LAMB4: variants seen among roughly 807,000 people sequenced by gnomAD.
LAMB4 encodes the protein laminin subunit beta-4.
A neutral mutation model predicts 199.2 loss-of-function variants in LAMB4; 196 were observed. The ratio of observed to expected loss-of-function variants is 0.98; its 90% confidence interval spans 0.88 to 1.11. The LOEUF (loss-of-function observed/expected upper bound fraction) is 1.11. Ranked by LOEUF, LAMB4 falls within the 50% of genes least tolerant of loss-of-function variation. LAMB4 has a pLI of 0.00. For synonymous variants in LAMB4, 744 were observed against 770.6 expected, an observed-to-expected ratio of 0.97 and a Z score of 0.57; for missense variants, 2,080 against 2,171.2, an observed-to-expected ratio of 0.96 and a Z score of 0.83.
In LAMB4 at chr7:108,122,830, TA is replaced by T. The variant is rs561108312; in HGVS notation, c.34+300del. Among the ~76,000 whole-genome samples the T allele has an allele frequency of 6.4e-3, 973 of 152,320 alleles. 4 individuals are homozygous for T. The highest frequency in any genetic ancestry group is 0.014 in the Middle Eastern group (4 of 294). On this transcript the variant is annotated intron_variant, in intron 2 of 33. Transcript: ENST00000388781. Reference sequence around the variant, plus strand: ...AGTGTTACATTGAAAGCACAGCTATTAAAAAAATTAGATGCATTGTATTTGT... The same window carrying T: ...AGTGTTACATTGAAAGCACAGCTATTAAAAAATTAGATGCATTGTATTTGT...
At chr7:108,012,725 T>C in the LAMB4 span, among the ~76,000 whole-genome samples, 2 of 152,210 alleles carry the variant, frequency 1.3e-5, no homozygotes, top group South Asian at 4.1e-4. Context: ...GCATATAGGC[T>C]CTTAGTCAGC....
chr7:108,100,181 C>A (rs1010484761), intron 10 of LAMB4, among the ~76,000 whole-genome samples: 1 of 152,054 alleles, frequency 6.6e-6, no homozygotes, highest in South Asian at 2.1e-4. Flanking sequence ...ATGTCATGAC[C>A]TTTAGAAGTC....
chr7:108,034,376 G>C (rs937192002), intron 30 of LAMB4, 30 bp from the exon 31 acceptor site: 1 of 1,517,104 alleles, frequency 6.6e-7, no homozygotes, highest in African/African-American at 1.4e-5. Flanking sequence ...TATCAGATTA[G>C]ATAAATACAC....
intron 14 of LAMB4, among the ~76,000 whole-genome samples, chr7:108,081,468 A>G (rs763770604): frequency 2.0e-5 from 3 of 152,134 alleles, no homozygotes; most frequent in African/African-American, 4.8e-5. Context: ...CCTTTTCTCT[A>G]TCTTTTCTCC....
In LAMB4 at chr7:108,109,233, C is replaced by A. The variant is rs148590177; in HGVS notation, c.340G>T (p.Val114Phe). The change falls in exon 5 of 34, where the codon GTC (valine) becomes TTC (phenylalanine). Residue 114 changes from valine to phenylalanine, a missense_variant. Coordinates refer to ENST00000388781, the MANE Select transcript of LAMB4 (RefSeq NM_007356.3). ...GCCTCTAAGTCCAGTCTGATGCTGA[C>A]ATGATCAAGACCTAAGGAAGAATCC... Reference protein sequence around the residue: ...WWQSENGLDHVSIRLDLEALF... With the variant: ...WWQSENGLDHFSIRLDLEALF... The A allele has an allele frequency of 1.2e-6, 2 of 1,612,442 alleles. No individual in the cohort carries two copies. The highest frequency in any genetic ancestry group is 1.7e-6 in the Non-Finnish European group (2 of 1,178,982).
chr7:108,082,347 AAAAAG>A (rs1223306642), intron 14 of LAMB4, among the ~76,000 whole-genome samples: 1 of 151,894 alleles, frequency 6.6e-6, no homozygotes, highest in Non-Finnish European at 1.5e-5. Context: ...AAAAAAAAAA[AAAAAG>A]AGTCGCAGAA....
intron 11 of LAMB4, among the ~76,000 whole-genome samples, chr7:108,096,237 A>G (rs1284743625): frequency 6.6e-6 from 1 of 152,182 alleles, no homozygotes; most frequent in Non-Finnish European, 1.5e-5. Flanking sequence ...GGTACCTCAT[A>G]TAAGTGGAAT....
intron 9 of LAMB4, 51 bp downstream of exon 9, chr7:108,104,448 A>G (rs956740713): frequency 6.2e-7 from 1 of 1,605,122 alleles, no homozygotes; most frequent in South Asian, 1.1e-5. Flanking sequence ...TTTCTTAAAT[A>G]AGGAAATGCA....
At chr7:108,037,230 G>A (rs973318734) in intron 30 of LAMB4, among the ~76,000 whole-genome samples, 158 bp downstream of exon 30, 3 of 152,078 alleles carry the variant, frequency 2.0e-5, no homozygotes, top group South Asian at 2.1e-4. Flanking sequence ...TCAGCTTCCC[G>A]GGGAATCTCC....
intron 14 of LAMB4, among the ~76,000 whole-genome samples, chr7:108,082,148 G>A (rs768492502): frequency 3.9e-5 from 6 of 151,996 alleles, no homozygotes; most frequent in Non-Finnish European, 8.8e-5. Flanking sequence ...GGCTAACACG[G>A]TGAAACCCCG....
rs138338172 is a variant in LAMB4 at position 108,106,928 on chromosome 7, A to G, written c.592-356T>C. Among the ~76,000 whole-genome samples the G allele has an allele frequency of 6.6e-5, 10 of 152,306 alleles. No homozygotes were observed. In the East Asian group the frequency reaches 1.9e-3, roughly 29 times the overall value. On this transcript the variant is annotated intron_variant, in intron 6 of 33. Coordinates refer to ENST00000388781, the MANE Select transcript of LAMB4 (RefSeq NM_007356.3). ...CAAGAAGGCTGAGCCATTGCTTCCC[A>G]GCTGGCATAGAATACAGATTATCAT...
intron 3 of LAMB4, 77 bp from the exon 4 acceptor site, chr7:108,112,023 A>G: frequency 8.1e-7 from 1 of 1,234,326 alleles, no homozygotes; most frequent in Non-Finnish European, 1.1e-6. Flanking sequence ...GGCAAGCTGT[A>G]CATACTATAT....
At chr7:108,047,547 T>G (rs1169094446) in intron 28 of LAMB4, among the ~76,000 whole-genome samples, 2 of 152,188 alleles carry the variant, frequency 1.3e-5, no homozygotes, top group Non-Finnish European at 2.9e-5. Flanking sequence ...GTTAATTGAC[T>G]GTTTAAGTTA....
intron 6 of LAMB4, 82 bp from the exon 7 acceptor site, chr7:108,106,654 T>A: frequency 3.8e-6 from 3 of 785,948 alleles, no homozygotes; most frequent in Admixed American, 5.2e-5. Context: ...TTTTCAAACC[T>A]CCCAGGCCCA....
intron 31 of LAMB4, 119 bp from the exon 32 acceptor site, chr7:108,031,098 C>T (rs1342928523): frequency 1.6e-6 from 1 of 637,658 alleles, no homozygotes; most frequent in Admixed American, 3.3e-5. Flanking sequence ...AATAGTGCCT[C>T]CACTTTTTCT....
rs1438584684 is a variant in LAMB4 at position 108,024,087 on chromosome 7, T to A, written c.5238A>T (p.Lys1746Asn). The A allele has an allele frequency of 6.2e-7, 1 of 1,609,296 alleles. No homozygotes were observed. Among genetic ancestry groups the A allele is most frequent in the South Asian group, 1.1e-5 (1 of 90,068 alleles). Residue 1746 changes from lysine to asparagine, a missense_variant, in exon 34 of 34, where the codon AAA becomes AAT. Transcript: ENST00000388781. ...TTTTTTCTTGTTCAACAATTTCATT[T>A]TTAATGGCAACAACTTGATCTTCCA... is the stretch of plus-strand genomic sequence containing the variant. ...RILEDQVVAI[K>N]NEIVEQEKKY...
chr7:108,090,805 A>T (rs2150608695), intron 14 of LAMB4, among the ~76,000 whole-genome samples: 1 of 152,362 alleles, frequency 6.6e-6, no homozygotes, highest in Non-Finnish European at 1.5e-5. Flanking sequence ...AACCCAGACC[A>T]GGGATTGCTT....
downstream of LAMB4, among the ~76,000 whole-genome samples, chr7:108,020,470 CAAAAAAAA>C (rs57432162): frequency 1.6e-5 from 1 of 62,938 alleles, no homozygotes; most frequent in Non-Finnish European, 3.8e-5. Context: ...GACTCCATCT[CAAAAAAAA>C]AAAAAAAAAA....
chr7:108,055,483 G>A (rs538590662), intron 25 of LAMB4, 149 bp downstream of exon 25: 32 of 881,056 alleles, frequency 3.6e-5, no homozygotes, highest in East Asian at 1.5e-4. Flanking sequence ...TATGGCGCCC[G>A]GCCCAGCCTG....
Sources: allele counts gnomAD v4.1 joint callset (sites outside exome capture counted in the v4.1 genomes callset), GRCh38; gene constraint gnomAD v4.1.1; transcripts MANE v1.5; gene names NCBI Gene and HGNC (gene_info 2026-07-23, HGNC 2026-07-21).